Variants in FER1L6 observed in about 807,000 individuals in gnomAD.
FER1L6 encodes fer-1-like protein 6.
Under a neutral mutation model 219.2 loss-of-function variants are expected in FER1L6, and 177 were observed. The observed-to-expected ratio is 0.81, with a 90% CI of 0.71 to 0.91. The LOEUF is 0.91. Among genes scored for constraint, FER1L6 ranks in the 40% least tolerant of loss-of-function variants. The probability of loss-of-function intolerance (pLI) is 0.00; values close to 1 mark genes in which losing one functional copy is unlikely to be tolerated. For missense variants in FER1L6, 2,153 were observed against 2,259.9 expected (o/e 0.95, Z 0.96); for synonymous variants, 768 against 824.3 (o/e 0.93, Z 1.17).
At chr8:124,046,019 T>C (rs913184536) in intron 21 of FER1L6, 118 bp downstream of exon 21, 9 of 1,254,702 alleles carry the variant, frequency 7.2e-6, no homozygotes, top group Non-Finnish European at 7.7e-6. Flanking sequence ...GAACACTAGA[T>C]GTACCTAGAG....
intron 21 of FER1L6, among the ~76,000 whole-genome samples, chr8:124,047,364 C>T (rs1333611820): frequency 6.6e-6 from 1 of 152,196 alleles, no homozygotes; most frequent in Non-Finnish European, 1.5e-5. Context: ...TCTATAGGAT[C>T]ATGAGGACTA....
intron 13 of FER1L6, among the ~76,000 whole-genome samples, chr8:124,005,981 C>T (rs1305525254): frequency 6.6e-6 from 1 of 152,198 alleles, no homozygotes; most frequent in African/African-American, 2.4e-5. Flanking sequence ...GAATCACCTT[C>T]TTTGGGGTAA....
intron 1 of FER1L6, among the ~76,000 whole-genome samples, chr8:123,890,264 A>G (rs1812617342): frequency 6.6e-6 from 1 of 152,116 alleles, no homozygotes; most frequent in African/African-American, 2.4e-5. Context: ...TGGTGGACTT[A>G]CAGACATTAA....
chr8:124,006,090 T>G (rs185860916), intron 13 of FER1L6, among the ~76,000 whole-genome samples: 4 of 152,312 alleles, frequency 2.6e-5, no homozygotes, highest in Non-Finnish European at 4.4e-5. Context: ...TTCTCAAAAC[T>G]GAGGCCATCA....
intron 15 of FER1L6, chr8:124,015,915 G>A (rs986757693): frequency 6.6e-5 from 10 of 152,636 alleles, no homozygotes; most frequent in Non-Finnish European, 1.5e-5. Flanking sequence ...CCCCCAAACT[G>A]TTCATGGCCA....
rs758681321 is a variant in FER1L6, at chr8:124,097,253, A to G, written c.4696-18A>G. 2.5e-6 allele frequency: 4 copies of G among 1,598,738 alleles called. No homozygotes were observed. In the South Asian group the frequency reaches 3.3e-5, roughly 13 times the overall value. On this transcript the variant is annotated intron_variant, in intron 35 of 40. Coordinates refer to ENST00000522917, the MANE Select transcript of FER1L6 (RefSeq NM_001039112.2). Reference sequence around the variant, plus strand: ...GCCCCCTCCCAAAGCTAAAGAAGATATTTTTTTTCTTAACAAGGGCCGCCT... The same window carrying G: ...GCCCCCTCCCAAAGCTAAAGAAGATGTTTTTTTTCTTAACAAGGGCCGCCT...
intron 39 of FER1L6, among the ~76,000 whole-genome samples, chr8:124,114,891 G>A (rs1368265908): frequency 3.8e-5 from 4 of 104,402 alleles, no homozygotes; most frequent in African/African-American, 1.4e-4. Flanking sequence ...CAGTGTGTGT[G>A]TGCGTATATA....
At chr8:123,914,310 A>C (rs1813124983) in intron 1 of FER1L6, among the ~76,000 whole-genome samples, 1 of 152,176 alleles carries the variant, frequency 6.6e-6, no homozygotes, top group Non-Finnish European at 1.5e-5. Context: ...TGATGTTTTT[A>C]GAAGAATATG....
At chr8:123,976,571 C>T (rs1816083093) in intron 9 of FER1L6, among the ~76,000 whole-genome samples, 1 of 151,874 alleles carries the variant, frequency 6.6e-6, no homozygotes, top group South Asian at 2.1e-4. Flanking sequence ...GTTACTCACT[C>T]ACTCTTCATT....
rs775650908 is a variant in FER1L6, at chr8:124,091,494, A to C, written c.4463A>C (p.Lys1488Thr). 12 of 1,613,998 alleles carry C rather than the reference A, an allele frequency of 7.4e-6. No homozygotes were observed. The highest frequency in any genetic ancestry group is 1.7e-5 in the Admixed American group (1 of 60,030). The part of the protein sequence containing the change: ...EILTKLCKDN[K>T]LDGPYFHPGK... ...CTCACTAAGCTCTGCAAAGACAACAAGCTGGATGGACCCTACTTTCACCCT... is the reference window on the plus strand; with the variant it reads ...CTCACTAAGCTCTGCAAAGACAACACGCTGGATGGACCCTACTTTCACCCT... The change falls in exon 34 of 41, where the codon AAG becomes ACG. Residue 1488 changes from lysine (K) to threonine (T), a missense_variant. Coordinates refer to ENST00000522917, the MANE Select transcript of FER1L6 (RefSeq NM_001039112.2).
intron 10 of FER1L6, 40 bp from the exon 11 acceptor site, chr8:123,980,425 A>G: frequency 6.7e-7 from 1 of 1,503,500 alleles, no homozygotes; most frequent in Non-Finnish European, 9.0e-7. Flanking sequence ...TTTATAAAGC[A>G]AAAACATAAT....
rs1817538872 is a variant in FER1L6, at chr8:124,003,906, AT to A, written c.1700+560del. 2.6e-5 allele frequency among the ~76,000 whole-genome samples: 4 copies of A among 152,186 alleles called. No individual in the cohort carries two copies. The South Asian group carries it at 8.3e-4, about 32-fold the overall frequency. On this transcript the variant is annotated intron_variant, in intron 13 of 40. Coordinates refer to ENST00000522917, the MANE Select transcript of FER1L6 (RefSeq NM_001039112.2). ...TAATTCATTTAAGGGCAGAGCAATG[AT>A]GATGGTGGTGATCATATCTGAAGTA...
chr8:124,011,790 CCT>C (rs1817945065), intron 14 of FER1L6, among the ~76,000 whole-genome samples: 1 of 152,076 alleles, frequency 6.6e-6, no homozygotes, highest in Non-Finnish European at 1.5e-5. Flanking sequence ...TGGCCAACAC[CCT>C]GTTATTTTCC....
At chr8:124,067,950 C>T in intron 28 of FER1L6, 144 bp downstream of exon 28, 1 of 672,376 alleles carries the variant, frequency 1.5e-6, no homozygotes. Flanking sequence ...GATGACAGCA[C>T]TTTAAAATGT....
At chr8:124,106,788 A>G (rs182027397) in intron 39 of FER1L6, among the ~76,000 whole-genome samples, 117 of 152,206 alleles carry the variant, frequency 7.7e-4, no homozygotes, top group Non-Finnish European at 1.1e-3. Flanking sequence ...ACTGTCAGCA[A>G]TTTGAGTCCA....
intron 1 of FER1L6, among the ~76,000 whole-genome samples, chr8:123,898,669 AC>A (rs1357276937): frequency 7.2e-6 from 1 of 138,916 alleles, no homozygotes; most frequent in Non-Finnish European, 1.5e-5. Flanking sequence ...GTATATATAT[AC>A]GTATATATAT....
chr8:123,931,445 A>C (rs988830904), intron 1 of FER1L6, among the ~76,000 whole-genome samples: 7 of 152,304 alleles, frequency 4.6e-5, no homozygotes, highest in African/African-American at 1.7e-4. Flanking sequence ...TGCTATGTAC[A>C]CATCTGTTGT....
chr8:123,975,483 T>C (rs1296263795), intron 8 of FER1L6, among the ~76,000 whole-genome samples, 177 bp downstream of exon 8: 2 of 152,190 alleles, frequency 1.3e-5, no homozygotes, highest in Admixed American at 1.3e-4. Context: ...ATGACTCTCC[T>C]TCACGAGGTC....
At chr8:123,888,354 CA>C (rs1817242831) in intron 1 of FER1L6, among the ~76,000 whole-genome samples, 1 of 152,130 alleles carries the variant, frequency 6.6e-6, no homozygotes, top group Admixed American at 6.5e-5. Context: ...TGGCCTGTTG[CA>C]ATCCACCTGC....
Sources: allele counts gnomAD v4.1 joint callset (sites outside exome capture counted in the v4.1 genomes callset), GRCh38; gene constraint gnomAD v4.1.1; transcripts MANE v1.5; gene names NCBI Gene and HGNC (gene_info 2026-07-23, HGNC 2026-07-21).